LAPTM5: variants seen among roughly 807,000 people sequenced by gnomAD.
LAPTM5 encodes the protein lysosomal-associated transmembrane protein 5.
A neutral mutation model predicts 30.1 loss-of-function variants in LAPTM5; 11 were observed. The observed-to-expected ratio is 0.37, with a 90% CI of 0.23 to 0.60. The LOEUF is 0.60. Among genes scored for constraint, LAPTM5 ranks in the 20% least tolerant of loss-of-function variants. The pLI is 0.71. For missense variants in LAPTM5, 324 were observed against 332.5 expected (o/e 0.97, Z 0.20); for synonymous variants, 151 against 137.9 (o/e 1.10, Z -0.67).
At chr1:30,756,195 A>C (rs1365276116) in intron 1 of LAPTM5, among the ~76,000 whole-genome samples, 1 of 152,192 alleles carries the variant, frequency 6.6e-6, no homozygotes, top group Admixed American at 6.5e-5. Context: ...ATAGTCTCAG[A>C]GCTTGAAGGC....
At chr1:30,749,658 AGGGTCCAACCGTAG>A (rs1026374253) in intron 1 of LAPTM5, among the ~76,000 whole-genome samples, 93 of 152,302 alleles carry the variant, frequency 6.1e-4, no homozygotes, top group African/African-American at 2.1e-3. Context: ...CCCAGAGCTC[AGGGTCCAACCGTAG>A]GGGTCAGGGC....
chr1:30,756,115 G>C (rs1290854114), intron 1 of LAPTM5, among the ~76,000 whole-genome samples: 1 of 152,210 alleles, frequency 6.6e-6, no homozygotes, highest in East Asian at 1.9e-4. Flanking sequence ...GGCAGGGCTG[G>C]GGTGAGGACC....
At chr1:30,755,924 G>A (rs747061899) in intron 1 of LAPTM5, among the ~76,000 whole-genome samples, 1 of 152,192 alleles carries the variant, frequency 6.6e-6, no homozygotes, top group Non-Finnish European at 1.5e-5. Flanking sequence ...GCCAAGCAAG[G>A]GCTCCCGGGG....
At chr1:30,741,069 C>T (rs1450760942) in intron 3 of LAPTM5, among the ~76,000 whole-genome samples, 2 of 152,194 alleles carry the variant, frequency 1.3e-5, no homozygotes, top group East Asian at 1.9e-4. Context: ...AGATTTGCCT[C>T]GGGCCCAGGA....
Position 30,739,724 on chromosome 1 carries a change from A to C in LAPTM5, c.387+85T>G. On this transcript the variant is annotated intron_variant, in intron 4 of 7. Coordinates refer to ENST00000294507, the MANE Select transcript of LAPTM5 (RefSeq NM_006762.3). The surrounding 1 kb of genome is among the most constrained non-coding windows in gnomAD (Gnocchi z 4.2). ...GGCTCCTACCCTCCCCAGCCTGAGC[A>C]CAGGGCCCGTGTCTGGTCCCCTCCC... is the stretch of plus-strand genomic sequence containing the variant. 1 of 1,445,788 alleles carries C rather than the reference A, an allele frequency of 6.9e-7. No homozygotes were observed. The highest frequency in any genetic ancestry group is 9.2e-7 in the Non-Finnish European group (1 of 1,087,702). The allele number at this position is 1,445,788 out of a possible 1,614,324, so 89.6% of individuals were successfully genotyped here. A position where few individuals can be genotyped will look rare whatever the true frequency, so the allele number is the denominator to read the frequency against.
intron 1 of LAPTM5, among the ~76,000 whole-genome samples, chr1:30,751,088 G>A (rs1208630421): frequency 6.6e-6 from 1 of 152,262 alleles, no homozygotes; most frequent in Non-Finnish European, 1.5e-5. Flanking sequence ...TGGAGGCCTC[G>A]GGGCCAGGTT....
At chr1:30,737,986 G>A (rs1227396265) in intron 5 of LAPTM5, among the ~76,000 whole-genome samples, 3 of 152,158 alleles carry the variant, frequency 2.0e-5, no homozygotes, top group Non-Finnish European at 4.4e-5. Context: ...CTGCCCATGG[G>A]CCACACCTAT....
chr1:30,735,218 G>T lies in LAPTM5; in HGVS notation c.654C>A (p.Cys218Ter). 1 of 1,613,998 alleles carries T rather than the reference G, an allele frequency of 6.2e-7. No individual in the cohort carries two copies. ...CVWRCYRLIK[C>*]MNSVEEKRNS... The stretch of plus-strand genomic sequence containing the variant: ...TTCTCTTCTCCTCCACCGAGTTCAT[G>T]CACTTGATCAATCTGTAGCACCGCC... Residue 218 changes from cysteine (C) to a stop codon, truncating the protein, a stop_gained, in exon 7 of 8, where the codon TGC becomes TGA. Coordinates refer to ENST00000294507, the MANE Select transcript of LAPTM5 (RefSeq NM_006762.3). LOFTEE classifies it high-confidence loss of function.
intron 1 of LAPTM5, among the ~76,000 whole-genome samples, chr1:30,753,084 A>C (rs1640160932): frequency 1.0e-5 from 1 of 100,082 alleles, no homozygotes; most frequent in African/African-American, 4.2e-5. Context: ...ACCTGGCCGT[A>C]CTTTTTTTTT....
intron 6 of LAPTM5, 88 bp downstream of exon 6, chr1:30,737,516 C>A: frequency 1.1e-6 from 1 of 892,318 alleles, no homozygotes; most frequent in Non-Finnish European, 1.8e-6. Flanking sequence ...ACACATGTCC[C>A]TGCCTTCTAA....
At chr1:30,750,559 T>G (rs1640120370) in intron 1 of LAPTM5, among the ~76,000 whole-genome samples, 3 of 152,128 alleles carry the variant, frequency 2.0e-5, no homozygotes, top group Admixed American at 2.0e-4. Flanking sequence ...TTTTTCTGAT[T>G]TTGCAGGTAA....
Position 30,739,318 on chromosome 1 carries a change from G to C in LAPTM5, c.388-256C>G. 1 of 399,558 alleles carries C rather than the reference G, an allele frequency of 2.5e-6. No homozygotes were observed. The highest frequency in any genetic ancestry group is 5.0e-5 in the East Asian group (1 of 20,126). The allele number at this position is 399,558 out of a possible 1,614,324, so 24.8% of individuals were successfully genotyped here. ...TGATGTAGCCCCCCGGTCTCTTCAA[G>C]GACAACAGTTGGGGAGAGTGAGAAA... On this transcript the variant is annotated intron_variant, in intron 4 of 7. Transcript: ENST00000294507. This position sits in a 1 kb window ranked among gnomAD's most constrained non-coding sequence, Gnocchi z 4.2.
intron 1 of LAPTM5, among the ~76,000 whole-genome samples, chr1:30,748,846 C>T (rs1223152324): frequency 6.6e-6 from 1 of 152,268 alleles, no homozygotes; most frequent in Non-Finnish European, 1.5e-5. Context: ...CAGTGAGAAC[C>T]CCAGTGCAGC....
chr1:30,737,724 C>T, intron 5 of LAPTM5, 25 bp from the exon 6 acceptor site: 1 of 1,493,452 alleles, frequency 6.7e-7, no homozygotes, highest in Non-Finnish European at 9.3e-7. Flanking sequence ...GGGGCCACAT[C>T]AATGTCTCTG....
intron 7 of LAPTM5, 77 bp downstream of exon 7, chr1:30,735,096 A>G: frequency 1.0e-6 from 1 of 973,774 alleles, no homozygotes; most frequent in Non-Finnish European, 1.7e-6. Context: ...ACCAAGGTCC[A>G]GAGAGGGAAG....
chr1:30,748,725 C>A (rs568695524), intron 1 of LAPTM5, among the ~76,000 whole-genome samples: 194 of 152,302 alleles, frequency 1.3e-3, no homozygotes, highest in Non-Finnish European at 2.4e-3. Context: ...GCCTGCAGCT[C>A]CCCAGAGCCT....
At chr1:30,747,229 A>T (rs1374904839) in intron 1 of LAPTM5, among the ~76,000 whole-genome samples, 1 of 152,204 alleles carries the variant, frequency 6.6e-6, no homozygotes, top group Non-Finnish European at 1.5e-5. Flanking sequence ...AAGAGCAGAC[A>T]TCATGTGCAA....
chr1:30,733,997 C>A (rs542668390), intron 7 of LAPTM5, 80 bp from the exon 8 acceptor site: 2 of 1,453,882 alleles, frequency 1.4e-6, no homozygotes, highest in Non-Finnish European at 1.9e-6. Flanking sequence ...GGACCCAAAC[C>A]CCCACCTCTG....
At chr1:30,743,802 T>TG (rs1553127171) in intron 1 of LAPTM5, among the ~76,000 whole-genome samples, 34 of 146,750 alleles carry the variant, frequency 2.3e-4, no homozygotes, top group African/African-American at 8.2e-4. Context: ...TGGGTTTTTT[T>TG]TTTTTTTTTT....
Sources: allele counts gnomAD v4.1 joint callset (sites outside exome capture counted in the v4.1 genomes callset), GRCh38; gene constraint gnomAD v4.1.1; non-coding constraint Gnocchi (gnomAD v3.1); transcripts MANE v1.5; gene names NCBI Gene and HGNC (gene_info 2026-07-23, HGNC 2026-07-21).